The following USP30 variants were observed in gnomAD, a reference collection of about 807,000 sequenced individuals.
USP30 encodes the protein ubiquitin specific peptidase 30, also known as ubiquitin carboxyl-terminal hydrolase 30.
In USP30, 41 loss-of-function variants were observed where a neutral mutation model predicts 68.2. The ratio of observed to expected loss-of-function variants is 0.60; its 90% CI spans 0.47 to 0.78. USP30 has a LOEUF of 0.78. USP30 is among the 30% of genes least tolerant of loss of function. USP30 has a pLI of 0.00. For missense variants in USP30, 522 were observed against 649.4 expected, an observed-to-expected ratio of 0.80 and a Z score of 2.13; for synonymous variants, 229 against 253.7, an observed-to-expected ratio of 0.90 and a Z score of 0.93.
At chr12:109,052,920 G>T in intron 1 of USP30, 159 bp downstream of exon 1, 1 of 663,130 alleles carries the variant, frequency 1.5e-6, no homozygotes, top group Middle Eastern at 4.3e-4. Flanking sequence ...GGGCCCGTAG[G>T]TGGGAGGACT....
upstream of USP30, among the ~76,000 whole-genome samples, chr12:109,049,896 C>G (rs903089979): frequency 2.0e-5 from 3 of 152,192 alleles, no homozygotes. Flanking sequence ...TGAGCACATG[C>G]TGTTGAAAAT....
At chr12:109,081,876 C>T (rs1426556319) in intron 8 of USP30, 57 bp from the exon 9 acceptor site, 2 of 1,531,606 alleles carry the variant, frequency 1.3e-6, no homozygotes, top group East Asian at 4.5e-5. Flanking sequence ...CATCTGCTAA[C>T]AGTTTCAGTA....
intron 6 of USP30, 40 bp downstream of exon 6, chr12:109,072,390 A>G: frequency 6.3e-7 from 1 of 1,582,802 alleles, no homozygotes; most frequent in African/African-American, 1.3e-5. Context: ...TAAGATGTGG[A>G]CTTTTAAGAT....
chr12:109,082,535 C>G, intron 9 of USP30, 128 bp from the exon 10 acceptor site: 1 of 784,002 alleles, frequency 1.3e-6, no homozygotes, highest in East Asian at 2.7e-5. Flanking sequence ...AACTGGGCAG[C>G]TGGGTTCATT....
rs1761667173 is a variant in USP30 at position 109,058,104 on chromosome 12, G to C, written c.372G>C (p.Leu124=). ...TATCCTTAACACTCTTGCACCTTCT[G>C]AAAGGTATCTAGATGGGAATTTCAA... ...QYLSLTLLHL[L]KALSCQEVTD... The change falls in exon 3 of 13, where the codon CTG becomes CTC. Residue 124 remains leucine, a synonymous_variant. Transcript: ENST00000257548. The C allele has an allele frequency of 6.2e-7, 1 of 1,604,090 alleles. No homozygotes were observed. Among genetic ancestry groups the C allele is most frequent in the African/African-American group, 1.3e-5 (1 of 74,440 alleles).
In USP30 at chr12:109,036,722, GT is replaced by G. The variant is rs533379105; in HGVS notation, c.-136+9175del. ...ATATAGTATTATTGTTGACAGCTTT[GT>G]TTTTTTTTAATACTTTGAATATGTC... On this transcript the variant is annotated intron_variant, in intron 3 of 15. Transcript: ENST00000392784. Among the ~76,000 whole-genome samples, 327 of 150,946 alleles carry G rather than the reference GT, an allele frequency of 2.2e-3. 1 individual carries two copies. Among genetic ancestry groups the G allele is most frequent in the Non-Finnish European group, 3.5e-3 (234 of 67,662 alleles).
At chr12:109,062,723 T>C (rs1437287435) in intron 3 of USP30, among the ~76,000 whole-genome samples, 2 of 152,152 alleles carry the variant, frequency 1.3e-5, no homozygotes, top group African/African-American at 4.8e-5. Flanking sequence ...TGGCAAAATA[T>C]CCATAACATA....
At chr12:109,051,859 G>A (rs1255361771), upstream of USP30, among the ~76,000 whole-genome samples, 1 of 152,036 alleles carries the variant, frequency 6.6e-6, no homozygotes, top group Non-Finnish European at 1.5e-5. Context: ...CGTGAGCCAC[G>A]GCGTCTGGCC....
At chr12:109,062,574 C>T (rs555110322) in intron 3 of USP30, among the ~76,000 whole-genome samples, 37 of 152,036 alleles carry the variant, frequency 2.4e-4, no homozygotes, top group Admixed American at 9.8e-4. Flanking sequence ...GTGATCCGCC[C>T]GCCTTGGCCT....
chr12:109,074,914 G>C (rs1373545908), intron 7 of USP30, among the ~76,000 whole-genome samples: 2 of 152,180 alleles, frequency 1.3e-5, no homozygotes, highest in Non-Finnish European at 2.9e-5. Context: ...CATGTACTCT[G>C]CTTCTGTGAG....
Position 109,087,944 on chromosome 12 carries a change from C to T in USP30, c.*2013C>T, listed in dbSNP as rs1410031340. 3 of 252,452 alleles carry T rather than the reference C, an allele frequency of 1.2e-5. No homozygotes were observed. Among genetic ancestry groups the T allele is most frequent in the Admixed American group, 5.3e-5 (1 of 18,746 alleles). 15.6% of individuals were successfully genotyped at this position (252,452 alleles called of 1,614,324 possible). A position where few individuals can be genotyped will look rare whatever the true frequency, so the allele number is the denominator to read the frequency against. On this transcript the variant is annotated 3_prime_UTR_variant, in exon 13 of 13. Coordinates refer to ENST00000257548, the MANE Select transcript of USP30 (RefSeq NM_032663.5). ...ACTAGTAGTTTTGCCATAATAACTG[C>T]TGATTTATGTATTTGCTAAAGGTAC...
intron 3 of USP30, among the ~76,000 whole-genome samples, chr12:109,030,997 G>A (rs149946971): frequency 1.1e-3 from 167 of 152,036 alleles, no homozygotes; most frequent in African/African-American, 3.0e-3. Context: ...TAAAATCAGG[G>A]GATGCTGAGC....
chr12:109,052,409 A>C, upstream of USP30: 1 of 349,840 alleles, frequency 2.9e-6, no homozygotes, highest in Non-Finnish European at 5.1e-6. Flanking sequence ...CTGAAAACCA[A>C]GCAGCCCCAG....
chr12:109,060,079 A>T (rs989022603), intron 3 of USP30: 12 of 152,242 alleles, frequency 7.9e-5, no homozygotes, highest in African/African-American at 2.9e-4. Context: ...GGAAAATGAT[A>T]AAGTAATCGA....
At chr12:109,034,544 T>C (rs1593221101) in intron 3 of USP30, among the ~76,000 whole-genome samples, 2 of 152,030 alleles carry the variant, frequency 1.3e-5, no homozygotes, top group East Asian at 1.9e-4. Flanking sequence ...CTGGGCAACA[T>C]AGTGAGACCC....
upstream of USP30, among the ~76,000 whole-genome samples, chr12:109,050,848 T>C (rs1301319775): frequency 6.6e-6 from 1 of 151,532 alleles, no homozygotes; most frequent in Non-Finnish European, 1.5e-5. Flanking sequence ...CTACTAAAAA[T>C]ACAAAAAAAT....
At position 109,079,350 on chromosome 12, in the gene USP30, T is replaced by C. The variant is rs12818096; in HGVS notation, c.721-1984T>C. Among the ~76,000 whole-genome samples the C allele has an allele frequency of 7.4e-3, 835 of 112,784 alleles. 29 individuals carry two copies. Among genetic ancestry groups the C allele is most frequent in the South Asian group, 0.01 (34 of 3,388 alleles). The allele number at this position is 112,784 out of a possible 152,430, so 74.0% of individuals were successfully genotyped here. A position where few individuals can be genotyped will look rare whatever the true frequency, so the allele number is the denominator to read the frequency against. On this transcript the variant is annotated intron_variant, in intron 7 of 12. Coordinates refer to ENST00000257548, the MANE Select transcript of USP30 (RefSeq NM_032663.5). ...TTTCTTTTCTTTTTCTTTTTTTTTT[T>C]CTTTTTTTTTTTTTTTTTTTTTTTT...
intron 3 of USP30, among the ~76,000 whole-genome samples, chr12:109,065,235 A>G (rs542232385): frequency 6.6e-6 from 1 of 152,200 alleles, no homozygotes; most frequent in East Asian, 1.9e-4. Flanking sequence ...TTTTTCTCTC[A>G]CACTCTAGCA....
upstream of USP30, chr12:109,052,489 C>A (rs1041227665): frequency 2.1e-6 from 1 of 468,738 alleles, no homozygotes; most frequent in African/African-American, 2.0e-5. Flanking sequence ...AGGACGTGGT[C>A]CGTCAGCTAT....
Sources: allele counts gnomAD v4.1 joint callset (sites outside exome capture counted in the v4.1 genomes callset), GRCh38; gene constraint gnomAD v4.1.1; transcripts MANE v1.5; gene names NCBI Gene and HGNC (gene_info 2026-07-23, HGNC 2026-07-21).